SMAD7: variants seen among roughly 807,000 people sequenced by gnomAD.
The protein encoded by SMAD7 is SMAD family member 7.
Under a neutral mutation model 38.7 loss-of-function variants are expected in SMAD7, and 8 were observed. The observed-to-expected ratio is 0.21, with a 90% CI of 0.12 to 0.37. The LOEUF (loss-of-function observed/expected upper bound fraction) is 0.37. Ranked by LOEUF, SMAD7 falls within the 10% of genes least tolerant of loss-of-function variation. SMAD7 has a pLI of 1.00. For synonymous variants in SMAD7, 327 were observed against 265.1 expected (o/e 1.23, Z -2.27); for missense variants, 477 against 577.9 (o/e 0.83, Z 1.79).
In SMAD7 at chr18:48,937,949, G is replaced by A. The variant is rs371265459; in HGVS notation, c.742+4532C>T. Among the ~76,000 whole-genome samples the A allele has an allele frequency of 3.2e-4, 48 of 152,218 alleles. 3 individuals carry two copies. The highest frequency in any genetic ancestry group is 1.7e-3 in the Admixed American group (26 of 15,284). On this transcript the variant is annotated intron_variant, in intron 3 of 3. Coordinates refer to ENST00000262158, the MANE Select transcript of SMAD7 (RefSeq NM_005904.4). ...GAAACCATGAGCTGTTTTGTAGCCA[G>A]GCAGGGGGAGGTGACTTAATTTAAA...
chr18:48,947,340 G>C (rs376666046), intron 2 of SMAD7, among the ~76,000 whole-genome samples: 1 of 152,254 alleles, frequency 6.6e-6, no homozygotes. Flanking sequence ...TTATGACAAC[G>C]CCCCAGCAAA....
Position 48,921,881 on chromosome 18 carries a change from G to A in SMAD7, c.772C>T (p.Arg258Trp), listed in dbSNP as rs201671248. 11 of 1,608,850 alleles carry A rather than the reference G, an allele frequency of 6.8e-6. No homozygotes were observed. Among genetic ancestry groups the A allele is most frequent in the Admixed American group, 5.1e-5 (3 of 59,392 alleles). ...TATGCCACCACGCACCAGTGTGACC[G>A]ATCCCCAGGCTCCAGAAGAAGTTGG... ...DSQLLLEPGD[R>W]SHWCVVAYWE... Residue 258 changes from arginine to tryptophan, a missense_variant, in exon 4 of 4, where the codon CGG becomes TGG. By Grantham distance (101) the Arg-to-Trp change is moderately radical. This residue lies in a region of SMAD7 where 376 missense variants were observed against 379.4 expected (regional missense o/e 0.99). Coordinates refer to ENST00000262158, the MANE Select transcript of SMAD7 (RefSeq NM_005904.4). This position sits in a 1 kb window ranked among gnomAD's most constrained non-coding sequence, Gnocchi z 6.4.
intron 3 of SMAD7, among the ~76,000 whole-genome samples, chr18:48,936,944 G>A (rs956963501): frequency 6.6e-6 from 1 of 152,082 alleles, no homozygotes; most frequent in South Asian, 2.1e-4. Context: ...AGCCGGGCGT[G>A]GTGGTGCACG....
intron 1 of SMAD7, chr18:48,949,228 C>T: frequency 1.0e-6 from 1 of 962,204 alleles, no homozygotes; most frequent in South Asian, 4.8e-5. Flanking sequence ...GAGACAGATA[C>T]CCAGTTCGGC....
At chr18:48,926,717 G>A (rs558624686) in intron 3 of SMAD7, among the ~76,000 whole-genome samples, 1 of 152,326 alleles carries the variant, frequency 6.6e-6, no homozygotes, top group African/African-American at 2.4e-5. Flanking sequence ...CTAACGCCAG[G>A]TCCAGGGTCC....
chr18:48,931,394 A>G (rs1178691961), intron 3 of SMAD7, among the ~76,000 whole-genome samples: 1 of 152,228 alleles, frequency 6.6e-6, no homozygotes, highest in African/African-American at 2.4e-5. Context: ...ACTAGTCCTC[A>G]TAAGCATAGA....
At chr18:48,924,341 G>A (rs894780091) in intron 3 of SMAD7, among the ~76,000 whole-genome samples, 2 of 152,162 alleles carry the variant, frequency 1.3e-5, no homozygotes, top group Non-Finnish European at 1.5e-5. Flanking sequence ...GGAGTGAGTG[G>A]AGTATGGACC....
In SMAD7 at chr18:48,920,949, G is replaced by C. The variant is rs1296516753; in HGVS notation, c.*423C>G. On this transcript the variant is annotated 3_prime_UTR_variant, in exon 4 of 4. Coordinates refer to ENST00000262158, the MANE Select transcript of SMAD7 (RefSeq NM_005904.4). Reference sequence around the variant, plus strand: ...ACCTCTCTGCTGGGGACATCCATAAGAGACACAAAACAAAGAGCACGTTGT... The same window carrying C: ...ACCTCTCTGCTGGGGACATCCATAACAGACACAAAACAAAGAGCACGTTGT... The C allele has an allele frequency of 5.6e-5, 10 of 177,656 alleles. No homozygotes were observed. The highest frequency in any genetic ancestry group is 9.5e-5 in the Non-Finnish European group (8 of 84,032). The allele number at this position is 177,656 out of a possible 1,614,324, so 11.0% of individuals were successfully genotyped here.
intron 3 of SMAD7, among the ~76,000 whole-genome samples, chr18:48,923,966 T>C (rs2069895313): frequency 6.6e-6 from 1 of 152,140 alleles, no homozygotes; most frequent in Non-Finnish European, 1.5e-5. Flanking sequence ...TGGCAATCTT[T>C]GAACTTTCTT....
rs1343243367 is a variant in SMAD7, at chr18:48,950,753, G to A, written c.-329C>T. 1 of 149,816 alleles carries A rather than the reference G, an allele frequency of 6.7e-6. No homozygotes were observed. The highest frequency in any genetic ancestry group is 1.5e-5 in the Non-Finnish European group (1 of 67,458). 9.3% of individuals were successfully genotyped at this position (149,816 alleles called of 1,614,324 possible). A position where few individuals can be genotyped will look rare whatever the true frequency, so the allele number is the denominator to read the frequency against. ...GAGGAACCCGGCCGCCGCTTCCCTG[G>A]GGACGGCCGAGCCTGCCCCCGTCGG... On this transcript the variant is annotated 5_prime_UTR_variant, in exon 1 of 4. Coordinates refer to ENST00000262158, the MANE Select transcript of SMAD7 (RefSeq NM_005904.4).
Position 48,950,796 on chromosome 18 carries a change from G to C in SMAD7, c.-372C>G, listed in dbSNP as rs1053151602. 6.6e-5 allele frequency: 10 copies of C among 150,916 alleles called. No homozygotes were observed. Among genetic ancestry groups the C allele is most frequent in the African/African-American group, 2.2e-4 (9 of 41,262 alleles). 9.3% of individuals were successfully genotyped at this position (150,916 alleles called of 1,614,324 possible). A position where few individuals can be genotyped will look rare whatever the true frequency, so the allele number is the denominator to read the frequency against. On this transcript the variant is annotated 5_prime_UTR_variant, in exon 1 of 4. Transcript: ENST00000262158. ...CCCGTCGGCGCCTCCCCAAAAAGAG[G>C]CCCCCCCGCAGTGGCTCCCGAATGT...
intron 3 of SMAD7, among the ~76,000 whole-genome samples, chr18:48,937,654 G>C (rs1207733190): frequency 6.6e-6 from 1 of 152,192 alleles, no homozygotes; most frequent in Non-Finnish European, 1.5e-5. Context: ...TGTGCACCAG[G>C]TGAGCCCGCC....
chr18:48,921,588 C>T lies in SMAD7; in HGVS notation c.1065G>A (p.Leu355=). 6.2e-7 allele frequency: 1 copy of T among 1,614,204 alleles called. No homozygotes were observed. Among genetic ancestry groups the T allele is most frequent in the Non-Finnish European group, 8.5e-7 (1 of 1,180,014 alleles). Residue 355 remains leucine (L), a synonymous_variant, in exon 4 of 4, where the codon CTG becomes CTA. Coordinates refer to ENST00000262158, the MANE Select transcript of SMAD7 (RefSeq NM_005904.4). This position sits in a 1 kb window ranked among gnomAD's most constrained non-coding sequence, Gnocchi z 6.4. The part of the protein sequence containing the change: ...ATLDNPDSRT[L]LVHKVFPGFS... ...AACCGGGGAACACCTTGTGTACCAA[C>T]AGCGTCCTGGAGTCCGGGTTGTCCA... is the stretch of plus-strand genomic sequence containing the variant.
At chr18:48,936,087 C>G (rs1209945525) in intron 3 of SMAD7, among the ~76,000 whole-genome samples, 2 of 28,670 alleles carry the variant, frequency 7.0e-5, no homozygotes, top group African/African-American at 7.9e-4. Flanking sequence ...AACACACACA[C>G]ACACACACAC....
At chr18:48,934,684 T>C (rs534307550) in intron 3 of SMAD7, among the ~76,000 whole-genome samples, 41 of 152,188 alleles carry the variant, frequency 2.7e-4, no homozygotes, top group African/African-American at 9.4e-4. Flanking sequence ...TGGTAAAATA[T>C]TTTTTTAAAT....
At chr18:48,932,919 T>A (rs949837670) in intron 3 of SMAD7, among the ~76,000 whole-genome samples, 1 of 152,218 alleles carries the variant, frequency 6.6e-6, no homozygotes, top group African/African-American at 2.4e-5. Context: ...AGACATTAGA[T>A]ACTGTCTTTC....
At chr18:48,937,982 C>T (rs541279641) in intron 3 of SMAD7, among the ~76,000 whole-genome samples, 2 of 152,282 alleles carry the variant, frequency 1.3e-5, no homozygotes, top group African/African-American at 4.8e-5. Flanking sequence ...AAAAGCAGAG[C>T]AACAGGCGCC....
At chr18:48,927,231 T>C (rs1300746435) in intron 3 of SMAD7, among the ~76,000 whole-genome samples, 1 of 151,880 alleles carries the variant, frequency 6.6e-6, no homozygotes, top group Non-Finnish European at 1.5e-5. Flanking sequence ...GCCCAACCCA[T>C]CTCCACCACC....
At chr18:48,929,478 G>T (rs544722397) in intron 3 of SMAD7, among the ~76,000 whole-genome samples, 1 of 151,480 alleles carries the variant, frequency 6.6e-6, no homozygotes, top group African/African-American at 2.4e-5. Flanking sequence ...TCCCTATCTG[G>T]ATTCCCAACT....
Sources: gnomAD v4.1 joint callset for allele counts (sites outside exome capture counted in the v4.1 genomes callset) on GRCh38, gnomAD v4.1.1 for gene constraint, gnomAD v4.1.1 regional missense constraint, Gnocchi (gnomAD v3.1) non-coding constraint, MANE v1.5 for transcripts, NCBI Gene and HGNC (gene_info 2026-07-23, HGNC 2026-07-21) for gene names.